MGMT: variants seen among roughly 807,000 people sequenced by gnomAD.
MGMT encodes the protein O-6-methylguanine-DNA methyltransferase.
A neutral mutation model predicts 15.9 loss-of-function variants in MGMT; 14 were observed. The observed-to-expected ratio is 0.88, with a 90% confidence interval of 0.58 to 1.37. The LOEUF is 1.37. MGMT is among the 40% of genes most tolerant of loss of function. The pLI, the probability that MGMT is intolerant of heterozygous loss-of-function variation, is 0.00. For synonymous variants in MGMT, 130 were observed against 118.2 expected, an observed-to-expected ratio of 1.10 and a Z score of -0.65; for missense variants, 282 against 268.1, an observed-to-expected ratio of 1.05 and a Z score of -0.36.
intron 2 of MGMT, among the ~76,000 whole-genome samples, chr10:129,572,184 G>T (rs186264797): frequency 4.4e-4 from 67 of 152,242 alleles, no homozygotes; most frequent in Admixed American, 2.0e-3. Context: ...ACCTCCAGTT[G>T]AATTTTTAGT....
intron 2 of MGMT, among the ~76,000 whole-genome samples, chr10:129,707,610 C>T (rs1307153064): frequency 6.6e-6 from 1 of 152,190 alleles, no homozygotes; most frequent in Non-Finnish European, 1.5e-5. Flanking sequence ...GCAGCCGTGC[C>T]ATCTGTAAGT....
rs548750687 is a variant in MGMT at position 129,592,790 on chromosome 10, TTTAA to T, written c.125+56419_125+56422del. Among the ~76,000 whole-genome samples, 91 of 149,040 alleles carry T rather than the reference TTTAA, an allele frequency of 6.1e-4. 1 individual carries two copies. Among genetic ancestry groups the T allele is most frequent in the South Asian group, 1.8e-3 (8 of 4,472 alleles). On this transcript the variant is annotated intron_variant, in intron 2 of 4. Coordinates refer to ENST00000651593, the MANE Select transcript of MGMT (RefSeq NM_002412.5). ...TCTCAAAAATGTAAACCAGTGCAAC[TTTAA>T]TTAATCCTTTTTTTTTTTGGAAAAA...
intron 2 of MGMT, among the ~76,000 whole-genome samples, chr10:129,625,852 T>G (rs1261010319): frequency 3.3e-5 from 5 of 152,206 alleles, no homozygotes; most frequent in Non-Finnish European, 7.3e-5. Flanking sequence ...GTGCTCTACC[T>G]TCAAGTTTTC....
chr10:129,588,274 A>T (rs1303631088), intron 2 of MGMT, among the ~76,000 whole-genome samples: 1 of 151,872 alleles, frequency 6.6e-6, no homozygotes, highest in Admixed American at 6.6e-5. Context: ...ACCCGGAGAA[A>T]CCCTTAGCAG....
intron 2 of MGMT, among the ~76,000 whole-genome samples, chr10:129,635,796 A>G (rs1429496536): frequency 6.6e-6 from 1 of 152,148 alleles, no homozygotes; most frequent in Non-Finnish European, 1.5e-5. Flanking sequence ...AAGGACTCTC[A>G]CAGTGTAAAC....
chr10:129,521,006 C>T (rs554817158), intron 1 of MGMT, among the ~76,000 whole-genome samples: 2 of 152,258 alleles, frequency 1.3e-5, no homozygotes, highest in East Asian at 1.9e-4. Flanking sequence ...CGTACGGGGC[C>T]CCTACGGCAC....
chr10:129,538,364 G>A (rs1283709852), intron 2 of MGMT, among the ~76,000 whole-genome samples: 1 of 152,170 alleles, frequency 6.6e-6, no homozygotes, highest in African/African-American at 2.4e-5. Context: ...TTGCTGGGCT[G>A]GATGGCAAAT....
chr10:129,500,946 A>C (rs1474043625), intron 1 of MGMT, among the ~76,000 whole-genome samples: 1 of 152,346 alleles, frequency 6.6e-6, no homozygotes, highest in East Asian at 1.9e-4. Context: ...GACAGCTTTC[A>C]TGTAAATTTA....
intron 1 of MGMT, among the ~76,000 whole-genome samples, chr10:129,497,686 C>T (rs993818459): frequency 6.6e-6 from 1 of 152,152 alleles, no homozygotes; most frequent in Non-Finnish European, 1.5e-5. Context: ...CCTCCAAATT[C>T]CTGTGTTGAA....
chr10:129,625,734 TGC>T (rs200826202), intron 2 of MGMT, among the ~76,000 whole-genome samples: 8 of 3,242 alleles, frequency 2.5e-3, no homozygotes, highest in South Asian at 0.33. Flanking sequence ...CACGTGTGTG[TGC>T]GTGTGTGTGC....
At chr10:129,721,813 AT>A (rs377574697) in intron 3 of MGMT, among the ~76,000 whole-genome samples, 83,618 of 152,016 alleles carry the variant, frequency 0.55, 23,258 homozygotes, top group Middle Eastern at 0.71. Context: ...TAATTCTTTT[AT>A]TAGAATTAGC....
rs902414516 is a variant in MGMT at position 129,688,152 on chromosome 10, C to T, written c.126-19743C>T. 1.1e-4 allele frequency among the ~76,000 whole-genome samples: 17 copies of T among 152,222 alleles called. No homozygotes were observed. The South Asian group carries it at 2.5e-3, about 22-fold the overall frequency. Reference sequence around the variant, plus strand: ...TGTGAATAGTGCCACAGTAAACATACGTGTGCATGTGCCTTTATAGCAGCA... The same window carrying T: ...TGTGAATAGTGCCACAGTAAACATATGTGTGCATGTGCCTTTATAGCAGCA... On this transcript the variant is annotated intron_variant, in intron 2 of 4. Coordinates refer to ENST00000651593, the MANE Select transcript of MGMT (RefSeq NM_002412.5).
intron 2 of MGMT, among the ~76,000 whole-genome samples, chr10:129,549,850 A>G (rs76249755): frequency 0.027 from 4,090 of 152,316 alleles, 91 homozygotes; most frequent in South Asian, 0.064. Flanking sequence ...AAATGAAAAT[A>G]TGTATTATAT....
In MGMT at chr10:129,536,312, G is replaced by C. The variant is rs1247292713; in HGVS notation, c.60G>C (p.Glu20Asp). The C allele has an allele frequency of 6.2e-7, 1 of 1,614,190 alleles. No individual in the cohort carries two copies. ...TGGACAGCCCTTTGGGGAAGCTGGA[G>C]CTGTCTGGTTGTGAGCAGGGTCTGC... is the stretch of plus-strand genomic sequence containing the variant. ...TTLDSPLGKL[E>D]LSGCEQGLHE... The change falls in exon 2 of 5, where the codon GAG becomes GAC. Residue 20 changes from glutamate to aspartate, a missense_variant. Glu to Asp is a conservative substitution (Grantham distance 45, BLOSUM62 2). Transcript: ENST00000651593.
chr10:129,562,531 G>A (rs1034667293), intron 2 of MGMT, among the ~76,000 whole-genome samples: 1 of 152,268 alleles, frequency 6.6e-6, no homozygotes, highest in African/African-American at 2.4e-5. Context: ...AATCTTGAAA[G>A]CAGTTGCATG....
chr10:129,678,287 C>G (rs1365890737), intron 2 of MGMT, among the ~76,000 whole-genome samples: 3 of 152,126 alleles, frequency 2.0e-5, no homozygotes, highest in African/African-American at 7.2e-5. Context: ...TCTGCACTTT[C>G]AGTTCCTGCA....
chr10:129,657,541 G>T (rs12253346), intron 2 of MGMT, among the ~76,000 whole-genome samples: 2 of 151,864 alleles, frequency 1.3e-5, no homozygotes, highest in South Asian at 4.2e-4. Context: ...GTGCTGGTCA[G>T]TGTCTTGGAG....
chr10:129,531,465 G>A (rs1258645283), intron 1 of MGMT, among the ~76,000 whole-genome samples: 5 of 151,898 alleles, frequency 3.3e-5, no homozygotes, highest in Admixed American at 3.3e-4. Context: ...CCTGGTGTCC[G>A]TGATGCCCTC....
chr10:129,563,211 G>A (rs1326452395), intron 2 of MGMT, among the ~76,000 whole-genome samples: 1 of 152,184 alleles, frequency 6.6e-6, no homozygotes, highest in Non-Finnish European at 1.5e-5. Flanking sequence ...CATAAGTCGA[G>A]GCACATCTCT....
Sources: gnomAD v4.1 joint callset for allele counts (sites outside exome capture counted in the v4.1 genomes callset) on GRCh38, gnomAD v4.1.1 for gene constraint, MANE v1.5 for transcripts, NCBI Gene and HGNC (gene_info 2026-07-23, HGNC 2026-07-21) for gene names.